Variants in AXDND1 observed in about 807,000 individuals in gnomAD.
AXDND1 encodes the protein axonemal dynein light chain domain-containing protein 1.
Under a neutral mutation model 137.5 loss-of-function variants are expected in AXDND1, and 110 were observed. The observed-to-expected ratio is 0.80, with a 90% confidence interval of 0.69 to 0.94. AXDND1 has a LOEUF of 0.94. AXDND1 is among the 40% of genes least tolerant of loss of function. AXDND1 has a pLI of 0.00. For synonymous variants in AXDND1, 414 were observed against 399.7 expected (o/e 1.04, Z -0.43); for missense variants, 1,191 against 1,169.8 (o/e 1.02, Z -0.26).
chr1:179,529,696 A>G (rs984047157), intron 23 of AXDND1, among the ~76,000 whole-genome samples: 9 of 152,178 alleles, frequency 5.9e-5, no homozygotes, highest in East Asian at 1.9e-4. Context: ...CAGACTCTCA[A>G]TCTCTCCTGG....
At chr1:179,443,736 TTTC>T (rs1279861052) in intron 15 of AXDND1, among the ~76,000 whole-genome samples, 3 of 152,220 alleles carry the variant, frequency 2.0e-5, no homozygotes, top group African/African-American at 7.2e-5. Context: ...CAGAATTTTC[TTTC>T]TTTTCAAGGT....
intron 18 of AXDND1, among the ~76,000 whole-genome samples, chr1:179,485,694 C>T (rs186422527): frequency 6.6e-6 from 1 of 152,128 alleles, no homozygotes; most frequent in Non-Finnish European, 1.5e-5. Flanking sequence ...ACCAGGCTGA[C>T]ATGACAGAAA....
rs143185706 is a variant in AXDND1, at chr1:179,422,660, G to A, written c.1231-6858G>A. 1.3e-3 allele frequency among the ~76,000 whole-genome samples: 204 copies of A among 152,324 alleles called. 1 individual carries two copies. The highest frequency in any genetic ancestry group is 4.7e-3 in the African/African-American group (197 of 41,558). On this transcript the variant is annotated intron_variant, in intron 12 of 25. Coordinates refer to ENST00000367618, the MANE Select transcript of AXDND1 (RefSeq NM_144696.6). ...ATGTCAGTTAGGCCTATTAGGTCCA[G>A]TGTGTAGTTTAACTCCGTTTTTTGT...
chr1:179,465,257 C>A (rs1317657297), intron 16 of AXDND1, among the ~76,000 whole-genome samples: 1 of 152,132 alleles, frequency 6.6e-6, no homozygotes, highest in Non-Finnish European at 1.5e-5. Context: ...GTGGTTTTAT[C>A]TACCTTTGAT....
At chr1:179,547,945 G>A (rs117335445) in intron 25 of AXDND1, among the ~76,000 whole-genome samples, 67 of 152,258 alleles carry the variant, frequency 4.4e-4, no homozygotes, top group East Asian at 1.5e-3. Flanking sequence ...AGTTTTGGCT[G>A]TAACTATTGC....
At chr1:179,547,341 T>C (rs1337025705) in intron 25 of AXDND1, among the ~76,000 whole-genome samples, 2 of 152,230 alleles carry the variant, frequency 1.3e-5, no homozygotes, top group African/African-American at 4.8e-5. Context: ...GTAGAGCTCA[T>C]TCTAGCCAGG....
At chr1:179,430,690 T>C in intron 14 of AXDND1, 84 bp downstream of exon 14, 1 of 1,424,672 alleles carries the variant, frequency 7.0e-7, no homozygotes, top group Non-Finnish European at 9.6e-7. Context: ...CTTCTGTCTT[T>C]TACCTTGTAA....
intron 21 of AXDND1, among the ~76,000 whole-genome samples, chr1:179,513,398 A>G (rs1427309115): frequency 1.3e-5 from 2 of 152,178 alleles, no homozygotes; most frequent in Non-Finnish European, 2.9e-5. Context: ...CCATCCCTGC[A>G]TCCCTGCTAT....
At chr1:179,444,051 G>GA in intron 15 of AXDND1, among the ~76,000 whole-genome samples, 1 of 111,320 alleles carries the variant, frequency 9.0e-6, no homozygotes, top group East Asian at 2.6e-4. Flanking sequence ...CTAGTTTAGT[G>GA]AATTTTTTTT....
intron 20 of AXDND1, among the ~76,000 whole-genome samples, chr1:179,502,755 A>G (rs1032603017): frequency 2.6e-5 from 4 of 151,944 alleles, no homozygotes; most frequent in South Asian, 2.1e-4. Context: ...ATCTGTCAGT[A>G]TACTAGATAA....
At chr1:179,416,479 T>A (rs993412732) in intron 12 of AXDND1, among the ~76,000 whole-genome samples, 1 of 152,200 alleles carries the variant, frequency 6.6e-6, no homozygotes, top group African/African-American at 2.4e-5. Flanking sequence ...TTTTAGTTTT[T>A]TGAGGAACCT....
rs1313680945 is a variant in AXDND1, at chr1:179,535,631, CA to C, written c.3031+670del. Among the ~76,000 whole-genome samples, 4 of 152,286 alleles carry C rather than the reference CA, an allele frequency of 2.6e-5. No individual in the cohort carries two copies. In the East Asian group the frequency reaches 5.8e-4, roughly 22 times the overall value. On this transcript the variant is annotated intron_variant, in intron 25 of 25. Coordinates refer to ENST00000367618, the MANE Select transcript of AXDND1 (RefSeq NM_144696.6). The stretch of plus-strand genomic sequence containing the variant: ...CTTTATCCAGTCTATCATTGATGGA[CA>C]TTTGAGTTGGTTCCAAGTTTTTGCT...
intron 4 of AXDND1, among the ~76,000 whole-genome samples, chr1:179,373,460 G>T (rs1668244696): frequency 3.9e-5 from 6 of 152,124 alleles, no homozygotes; most frequent in Admixed American, 3.9e-4. Context: ...TTTCTTCACA[G>T]AATTGGAAAA....
At chr1:179,419,171 G>A (rs1201909237) in intron 12 of AXDND1, among the ~76,000 whole-genome samples, 9 of 151,234 alleles carry the variant, frequency 6.0e-5, no homozygotes, top group Non-Finnish European at 1.2e-4. Flanking sequence ...CATCCCAGAC[G>A]ATGGGCGGCC....
chr1:179,459,712 CTTTT>C (rs1310920304), intron 16 of AXDND1, among the ~76,000 whole-genome samples: 2 of 144,104 alleles, frequency 1.4e-5, no homozygotes. Flanking sequence ...TCCTTTCTTT[CTTTT>C]TCTTTCTTTC....
chr1:179,468,470 T>C lies in AXDND1; in HGVS notation c.1826T>C (p.Ile609Thr). 2 of 1,611,342 alleles carry C rather than the reference T, an allele frequency of 1.2e-6. No homozygotes were observed. The highest frequency in any genetic ancestry group is 1.7e-6 in the Non-Finnish European group (2 of 1,179,156). The change falls in exon 17 of 26, where the codon ATT becomes ACT. Residue 609 changes from isoleucine (I) to threonine (T), a missense_variant. Coordinates refer to ENST00000367618, the MANE Select transcript of AXDND1 (RefSeq NM_144696.6). ...TACTCCAAAATTCTTCCAAGTTTGA[T>C]TAGTTCTCTTGACTTCTGTTCTTTC... ...NGYSKILPSL[I>T]SSLDFCSFKL... is the part of the protein sequence containing the mutation.
At chr1:179,418,503 G>A (rs1655055310) in intron 12 of AXDND1, among the ~76,000 whole-genome samples, 1 of 152,212 alleles carries the variant, frequency 6.6e-6, no homozygotes, top group Admixed American at 6.5e-5. Context: ...TGAGCTGTTG[G>A]GTACACCTCC....
At chr1:179,380,016 G>A (rs556778860) in intron 6 of AXDND1, among the ~76,000 whole-genome samples, 4 of 152,252 alleles carry the variant, frequency 2.6e-5, no homozygotes, top group Non-Finnish European at 5.9e-5. Flanking sequence ...TTGGGAGGCT[G>A]AGGCGAGCAG....
At chr1:179,542,778 T>C (rs1672283498) in intron 25 of AXDND1, among the ~76,000 whole-genome samples, 1 of 152,180 alleles carries the variant, frequency 6.6e-6, no homozygotes, top group Non-Finnish European at 1.5e-5. Context: ...AGGTAGAGAA[T>C]AGCTACATAA....
Sources: allele counts gnomAD v4.1 joint callset (sites outside exome capture counted in the v4.1 genomes callset), GRCh38; gene constraint gnomAD v4.1.1; transcripts MANE v1.5; gene names NCBI Gene and HGNC (gene_info 2026-07-23, HGNC 2026-07-21).